UGT2A1: variants seen among roughly 807,000 people sequenced by gnomAD.
UGT2A1 encodes UDP-glucuronosyltransferase 2A1.
A neutral mutation model predicts 45.4 loss-of-function variants in UGT2A1; 61 were observed. That is an observed-to-expected ratio of 1.34 (90% CI 1.09 to 1.66). UGT2A1 has a LOEUF of 1.66. Ranked by LOEUF, UGT2A1 falls within the 40% of genes most tolerant of loss-of-function variation. The pLI is 0.00. For synonymous variants in UGT2A1, 229 were observed against 196.2 expected (o/e 1.17, Z -1.40); for missense variants, 649 against 574.3 (o/e 1.13, Z -1.33).
intron 3 of UGT2A1, among the ~76,000 whole-genome samples, chr4:69,606,159 A>G (rs111230626): frequency 7.3e-6 from 1 of 136,632 alleles, no homozygotes; most frequent in Non-Finnish European, 1.6e-5. Flanking sequence ...ATGAACATCG[A>G]GGCAAAAATC....
At chr4:69,651,817 C>T (rs1722537161) in intron 1 of UGT2A1, among the ~76,000 whole-genome samples, 1 of 152,168 alleles carries the variant, frequency 6.6e-6, no homozygotes, top group South Asian at 2.1e-4. Flanking sequence ...AAGAAAGCCT[C>T]AGATGAGCAT....
intron 2 of UGT2A1, chr4:69,639,667 A>C (rs748363831): frequency 2.0e-6 from 3 of 1,522,510 alleles, no homozygotes; most frequent in Non-Finnish European, 2.6e-6. Context: ...CAAGATGAAA[A>C]AAAAATCTTC....
At chr4:69,623,505 C>A (rs1720873378) in intron 3 of UGT2A1, among the ~76,000 whole-genome samples, 1 of 151,402 alleles carries the variant, frequency 6.6e-6, no homozygotes, top group South Asian at 2.1e-4. Context: ...AAAAAAATAG[C>A]ATAATATTTA....
At position 69,605,991 on chromosome 4, in the gene UGT2A1, A is replaced by G. The variant is rs147772806; in HGVS notation, c.848-6597T>C. 5.9e-5 allele frequency among the ~76,000 whole-genome samples: 8 copies of G among 135,712 alleles called. 2 individuals are homozygous for G. Among genetic ancestry groups the G allele is most frequent in the Admixed American group, 3.6e-4 (5 of 13,832 alleles). The allele number at this position is 135,712 out of a possible 152,430, so 89.0% of individuals were successfully genotyped here. ...GGATTCACAGCTGAATTCTACCAGA[A>G]GTACAAGGAGGAGCTGGTACCATTC... On this transcript the variant is annotated intron_variant, in intron 3 of 6. Transcript: ENST00000286604.
At position 69,589,113 on chromosome 4, in the gene UGT2A1, T is replaced by C. The variant is rs2109868710; in HGVS notation, c.*259A>G. The C allele has an allele frequency of 3.1e-6, 1 of 318,220 alleles. No individual in the cohort carries two copies. The highest frequency in any genetic ancestry group is 5.8e-5 in the East Asian group (1 of 17,370). The allele number at this position is 318,220 out of a possible 1,614,324, so 19.7% of individuals were successfully genotyped here. ...TTTAAAATTAGGTAGTATCCTTGTGTCAGAAAAGTGACAGGAAGAGGGTAT... is the reference window on the plus strand; with the variant it reads ...TTTAAAATTAGGTAGTATCCTTGTGCCAGAAAAGTGACAGGAAGAGGGTAT... On this transcript the variant is annotated 3_prime_UTR_variant, in exon 7 of 7. Transcript: ENST00000286604.
At chr4:69,599,587 GAAAA>G in intron 3 of UGT2A1, 193 bp from the exon 4 acceptor site, 3 of 767,480 alleles carry the variant, frequency 3.9e-6, no homozygotes, top group Non-Finnish European at 5.4e-6. Context: ...GAGGAAGGAA[GAAAA>G]GAAGGAAGGA....
rs1459282501 is a variant in UGT2A1, at chr4:69,595,290, A to G, written c.997-41T>C. 2.5e-6 allele frequency: 4 copies of G among 1,603,190 alleles called. No homozygotes were observed. In the South Asian group the frequency reaches 3.3e-5, roughly 13 times the overall value. On this transcript the variant is annotated intron_variant, in intron 4 of 6. Transcript: ENST00000286604. ...CTTTAATTTTGCAAGGAAAAACACA[A>G]TGAGGACATTTTAAGTTGGGAGAAT...
rs148063094 is a variant in UGT2A1, at chr4:69,647,450, A to G, written c.195T>C (p.Ser65=). The change falls in exon 2 of 7, where the codon TCT becomes TCC. Residue 65 remains serine (S), a synonymous_variant. Transcript: ENST00000286604. ...ASGALFITPT[S]NPSLTFEIYK... ...ATATTTCAAATGTCAGAGATGGGTT[A>G]GAGGTTGGTGTGATGAAAAGTGCAC... 3.7e-6 allele frequency: 6 copies of G among 1,613,090 alleles called. No homozygotes were observed. The highest frequency in any genetic ancestry group is 1.7e-5 in the Admixed American group (1 of 59,892).
intron 3 of UGT2A1, among the ~76,000 whole-genome samples, chr4:69,626,549 G>A (rs1279831287): frequency 6.6e-6 from 1 of 151,552 alleles, no homozygotes; most frequent in Non-Finnish European, 1.5e-5. Flanking sequence ...ACTACTGGGT[G>A]ATGGGATTAT....
intron 3 of UGT2A1, among the ~76,000 whole-genome samples, chr4:69,603,212 G>A (rs1719399858): frequency 7.4e-6 from 1 of 135,582 alleles, no homozygotes; most frequent in South Asian, 2.4e-4. Context: ...AATAATCAAG[G>A]AACTCCAGAT....
At position 69,639,107 on chromosome 4, in the gene UGT2A1, G is replaced by A. The variant is rs990682058; in HGVS notation, c.716-3285C>T. The stretch of plus-strand genomic sequence containing the variant: ...TTGATGCTGGAGAGAACCTCAATGT[G>A]TACATAAATGGAATTCCTAATTTCA... On this transcript the variant is annotated intron_variant, in intron 2 of 6. Coordinates refer to ENST00000286604, the MANE Select transcript of UGT2A1 (RefSeq NM_001252275.3). 3.1e-6 allele frequency: 5 copies of A among 1,613,360 alleles called. No homozygotes were observed. In the African/African-American group the frequency reaches 4.0e-5, roughly 13 times the overall value.
chr4:69,595,018 A>G, intron 5 of UGT2A1, 144 bp downstream of exon 5: 1 of 1,197,224 alleles, frequency 8.4e-7, no homozygotes. Flanking sequence ...ATTAATGGCC[A>G]ATTATGTAAT....
chr4:69,643,461 A>G (rs1722128367), intron 2 of UGT2A1, among the ~76,000 whole-genome samples: 1 of 151,590 alleles, frequency 6.6e-6, no homozygotes, highest in African/African-American at 2.4e-5. Context: ...AAGTCTCAAT[A>G]TTCTTTTCTG....
chr4:69,607,006 T>C (rs1392875335), intron 3 of UGT2A1, among the ~76,000 whole-genome samples: 1 of 136,218 alleles, frequency 7.3e-6, no homozygotes, highest in Admixed American at 7.2e-5. Context: ...AGGTCATTTA[T>C]AGATTCAATG....
At chr4:69,623,701 A>G (rs11942157) in intron 3 of UGT2A1, among the ~76,000 whole-genome samples, 41,326 of 151,244 alleles carry the variant, frequency 0.27, 5,911 homozygotes, top group South Asian at 0.32. Flanking sequence ...GATGGCTATC[A>G]AATATATTAG....
At chr4:69,618,221 T>G (rs59737874) in intron 3 of UGT2A1, among the ~76,000 whole-genome samples, 48,708 of 143,796 alleles carry the variant, frequency 0.34, 8,645 homozygotes, top group African/African-American at 0.41. Flanking sequence ...GTGTGTATGT[T>G]TGTGTGTGTG....
In UGT2A1 at chr4:69,589,457, G is replaced by T. The variant is rs1437927520; in HGVS notation, c.1499C>A (p.Thr500Lys). ...DVIGFLLVCV[T>K]TAIFLVIQCC... Reference sequence around the variant, plus strand: ...TTGTATGACCAAAAATATAGCCGTTGTCACACAGACCAGCAAGAACCCAAT... The same window carrying T: ...TTGTATGACCAAAAATATAGCCGTTTTCACACAGACCAGCAAGAACCCAAT... Residue 500 changes from threonine to lysine, a missense_variant, in exon 7 of 7, where the codon ACA (threonine) becomes AAA (lysine). Physicochemically the swap from Thr to Lys is moderately conservative, Grantham distance 78 (BLOSUM62 -1). Transcript: ENST00000286604. 6.2e-7 allele frequency: 1 copy of T among 1,613,994 alleles called. No individual in the cohort carries two copies. Among genetic ancestry groups the T allele is most frequent in the Non-Finnish European group, 8.5e-7 (1 of 1,180,010 alleles).
At chr4:69,608,161 G>C (rs1266446163) in intron 3 of UGT2A1, among the ~76,000 whole-genome samples, 1 of 152,046 alleles carries the variant, frequency 6.6e-6, no homozygotes, top group African/African-American at 2.4e-5. Context: ...CAAAGACTTG[G>C]AACCAACCCA....
rs747610816 is a variant in UGT2A1, at chr4:69,602,462, TTTATCTATCTATCTA to T, written c.848-3083_848-3069del. ...TTTTAGAATAACAAAGATTTAGGAGTTTATCTATCTATCTATCTATCTATCTATCTATCTATCTAT... is the reference window on the plus strand; with the variant it reads ...TTTTAGAATAACAAAGATTTAGGAGTTCTATCTATCTATCTATCTATCTAT... On this transcript the variant is annotated intron_variant, in intron 3 of 6. Transcript: ENST00000286604. Among the ~76,000 whole-genome samples the T allele has an allele frequency of 1.3e-4, 16 of 120,716 alleles. 4 individuals carry two copies. The highest frequency in any genetic ancestry group is 2.2e-4 in the African/African-American group (6 of 27,706). The allele number at this position is 120,716 out of a possible 152,430, so 79.2% of individuals were successfully genotyped here.
Sources: allele counts gnomAD v4.1 joint callset (sites outside exome capture counted in the v4.1 genomes callset), GRCh38; gene constraint gnomAD v4.1.1; transcripts MANE v1.5; gene names NCBI Gene and HGNC (gene_info 2026-07-23, HGNC 2026-07-21).